The following GALNTL6 variants were observed in gnomAD, a reference collection of about 807,000 sequenced individuals.
The protein encoded by GALNTL6 is polypeptide N-acetylgalactosaminyltransferase-like 6.
Under a neutral mutation model 73.7 loss-of-function variants are expected in GALNTL6, and 46 were observed. The observed-to-expected ratio is 0.62, with a 90% CI of 0.49 to 0.80. The LOEUF (loss-of-function observed/expected upper bound fraction) is 0.80. GALNTL6 is among the 30% of genes least tolerant of loss of function. The pLI, the probability that GALNTL6 is intolerant of heterozygous loss-of-function variation, is 0.00. For synonymous variants in GALNTL6, 259 were observed against 263.7 expected, an observed-to-expected ratio of 0.98 and a Z score of 0.17; for missense variants, 604 against 755.0, an observed-to-expected ratio of 0.80 and a Z score of 2.34.
intron 2 of GALNTL6, among the ~76,000 whole-genome samples, chr4:172,159,034 A>G (rs1367839378): frequency 1.3e-5 from 2 of 152,180 alleles, no homozygotes; most frequent in South Asian, 2.1e-4. Context: ...GGAAATTGCC[A>G]TAGAAGTTCA....
intron 5 of GALNTL6, among the ~76,000 whole-genome samples, chr4:172,558,918 C>T (rs1013399279): frequency 2.0e-5 from 3 of 151,980 alleles, no homozygotes; most frequent in Non-Finnish European, 4.4e-5. Context: ...CTTCCAAATC[C>T]CACCCTCTGG....
intron 2 of GALNTL6, among the ~76,000 whole-genome samples, chr4:172,082,809 A>G (rs1383934381): frequency 6.6e-6 from 1 of 152,220 alleles, no homozygotes; most frequent in Admixed American, 6.5e-5. Context: ...GATGGAATGA[A>G]AAATGAGAAA....
chr4:173,007,554 C>T (rs2126489313), intron 10 of GALNTL6, among the ~76,000 whole-genome samples: 1 of 152,254 alleles, frequency 6.6e-6, no homozygotes, highest in African/African-American at 2.4e-5. Context: ...CACCTGTAAT[C>T]CCAACACTTT....
chr4:171,963,774 G>C (rs2111051487), intron 2 of GALNTL6, among the ~76,000 whole-genome samples: 1 of 151,506 alleles, frequency 6.6e-6, no homozygotes, highest in East Asian at 1.9e-4. Context: ...CAACAGTATT[G>C]CTATACAGGA....
chr4:172,409,313 G>A (rs1229847653), intron 5 of GALNTL6, among the ~76,000 whole-genome samples: 1 of 151,828 alleles, frequency 6.6e-6, no homozygotes, highest in Non-Finnish European at 1.5e-5. Context: ...GACAAAGTTT[G>A]GTAATAGATT....
intron 3 of GALNTL6, among the ~76,000 whole-genome samples, chr4:172,285,120 T>G (rs1029658724): frequency 6.6e-6 from 1 of 152,156 alleles, no homozygotes; most frequent in Admixed American, 6.6e-5. Context: ...CTTTCATGAG[T>G]GTTTTGTAGT....
chr4:172,218,941 T>G (rs1429486476), intron 2 of GALNTL6, among the ~76,000 whole-genome samples: 1 of 151,548 alleles, frequency 6.6e-6, no homozygotes, highest in East Asian at 1.9e-4. Flanking sequence ...TAATGGATAT[T>G]TGACAAGCAA....
At chr4:172,481,189 G>C (rs187118585) in intron 5 of GALNTL6, among the ~76,000 whole-genome samples, 3 of 151,990 alleles carry the variant, frequency 2.0e-5, no homozygotes, top group Non-Finnish European at 2.9e-5. Flanking sequence ...AGACCTTCAC[G>C]ATGAGTGTTA....
At chr4:171,924,491 T>C (rs1693305072) in intron 2 of GALNTL6, among the ~76,000 whole-genome samples, 1 of 152,118 alleles carries the variant, frequency 6.6e-6, no homozygotes, top group South Asian at 2.1e-4. Context: ...ATTTAGAGTA[T>C]TTATATAAAA....
chr4:172,414,527 G>A (rs1465007037), intron 5 of GALNTL6, among the ~76,000 whole-genome samples: 1 of 151,900 alleles, frequency 6.6e-6, no homozygotes, highest in East Asian at 1.9e-4. Context: ...ATTTTCTATC[G>A]TATTTCATTC....
intron 5 of GALNTL6, among the ~76,000 whole-genome samples, chr4:172,695,124 A>G (rs1457104937): frequency 1.3e-5 from 2 of 152,206 alleles, no homozygotes; most frequent in African/African-American, 4.8e-5. Context: ...CATAAATGAA[A>G]CCCTATAAAT....
chr4:172,907,477 T>G (rs1393190610), intron 8 of GALNTL6, among the ~76,000 whole-genome samples: 1 of 152,210 alleles, frequency 6.6e-6, no homozygotes, highest in Non-Finnish European at 1.5e-5. Flanking sequence ...TTCACCTTAA[T>G]AGTAAATTTT....
chr4:172,565,097 A>C (rs1214428176), intron 5 of GALNTL6, among the ~76,000 whole-genome samples: 4 of 152,350 alleles, frequency 2.6e-5, no homozygotes, highest in Non-Finnish European at 5.9e-5. Context: ...ACATGGAAGA[A>C]GGGGCAAGGC....
At chr4:173,034,235 G>T (rs1753591774) in intron 12 of GALNTL6, among the ~76,000 whole-genome samples, 1 of 152,058 alleles carries the variant, frequency 6.6e-6, no homozygotes, top group Non-Finnish European at 1.5e-5. Flanking sequence ...AGCCTCTGGT[G>T]GTTCTCTCTT....
intron 4 of GALNTL6, among the ~76,000 whole-genome samples, chr4:172,320,969 G>T (rs1355648702): frequency 6.6e-6 from 1 of 152,178 alleles, no homozygotes; most frequent in African/African-American, 2.4e-5. Flanking sequence ...TTATTTACCT[G>T]TGGTCAATCA....
chr4:173,010,581 T>G (rs1365157772), intron 11 of GALNTL6, among the ~76,000 whole-genome samples: 3 of 151,260 alleles, frequency 2.0e-5, no homozygotes, highest in Non-Finnish European at 2.9e-5. Context: ...GTGTTTTTTT[T>G]GTTGTTTTTT....
intron 5 of GALNTL6, among the ~76,000 whole-genome samples, chr4:172,550,448 T>C (rs1352873620): frequency 6.6e-6 from 1 of 152,212 alleles, no homozygotes; most frequent in East Asian, 1.9e-4. Flanking sequence ...AGATTTATAT[T>C]TACTCTTCTG....
intron 5 of GALNTL6, among the ~76,000 whole-genome samples, chr4:172,360,003 C>T (rs1484879314): frequency 6.6e-6 from 1 of 152,176 alleles, no homozygotes; most frequent in Non-Finnish European, 1.5e-5. Context: ...CTCCAGATCC[C>T]TTACACATCA....
chr4:172,347,077 C>A (rs1463817563), intron 4 of GALNTL6, among the ~76,000 whole-genome samples: 4 of 149,276 alleles, frequency 2.7e-5, no homozygotes, highest in African/African-American at 9.9e-5. Context: ...GCAATCTCTG[C>A]CTCCTGGGTT....
Sources: gnomAD v4.1 joint callset for allele counts (sites outside exome capture counted in the v4.1 genomes callset) on GRCh38, gnomAD v4.1.1 for gene constraint, MANE v1.5 for transcripts, NCBI Gene and HGNC (gene_info 2026-07-23, HGNC 2026-07-21) for gene names.